RCBTB2: variants seen among roughly 807,000 people sequenced by gnomAD.
RCBTB2 encodes the protein RCC1 and BTB domain containing protein 2.
Under a neutral mutation model 65.4 loss-of-function variants are expected in RCBTB2, and 55 were observed. The observed-to-expected ratio is 0.84, with a 90% CI of 0.68 to 1.05. RCBTB2 has a LOEUF of 1.05. Ranked by LOEUF, RCBTB2 falls within the 50% of genes least tolerant of loss-of-function variation. RCBTB2 has a pLI of 0.00. For missense variants in RCBTB2, 599 were observed against 680.1 expected (o/e 0.88, Z 1.33); for synonymous variants, 220 against 255.2 (o/e 0.86, Z 1.31).
intron 1 of RCBTB2, among the ~76,000 whole-genome samples, chr13:48,525,161 AT>A (rs1208848569): frequency 2.0e-5 from 3 of 151,790 alleles, no homozygotes; most frequent in African/African-American, 7.2e-5. Context: ...GCAGTTAAAG[AT>A]TTCATACATA....
intron 4 of RCBTB2, among the ~76,000 whole-genome samples, chr13:48,519,333 A>G (rs1001494055): frequency 3.9e-5 from 6 of 152,152 alleles, no homozygotes; most frequent in African/African-American, 9.7e-5. Flanking sequence ...ACTGACGGCT[A>G]TTTCATTTTT....
chr13:48,511,649 A>G (rs977954527), intron 9 of RCBTB2, 121 bp downstream of exon 9: 3 of 805,406 alleles, frequency 3.7e-6, no homozygotes, highest in African/African-American at 3.5e-5. Flanking sequence ...CCTTTACTTT[A>G]ATGAAGACAT....
At chr13:48,492,971 A>G (rs1055725727) in intron 14 of RCBTB2, among the ~76,000 whole-genome samples, 2 of 152,046 alleles carry the variant, frequency 1.3e-5, no homozygotes, top group African/African-American at 4.8e-5. Flanking sequence ...CAAATTTCTG[A>G]TATTTCCCCC....
At chr13:48,516,908 C>T (rs978906499) in intron 4 of RCBTB2, among the ~76,000 whole-genome samples, 4 of 152,212 alleles carry the variant, frequency 2.6e-5, no homozygotes, top group Admixed American at 6.5e-5. Flanking sequence ...TATCAAATGG[C>T]ATGTCTGCTA....
At chr13:48,527,352 G>C (rs9595916) in intron 1 of RCBTB2, among the ~76,000 whole-genome samples, 10,225 of 119,020 alleles carry the variant, frequency 0.086, 1,564 homozygotes, top group African/African-American at 0.39. Flanking sequence ...ATATATATAT[G>C]ATATATATTT....
chr13:48,499,616 A>G lies in RCBTB2; in HGVS notation c.1384+5T>C, dbSNP rs760312636. ...GCCAAGTTTTTGGAAGTCTTTGGCAATTACCTACTGCCTCCTCAGGAGAAA... is the reference window on the plus strand; with the variant it reads ...GCCAAGTTTTTGGAAGTCTTTGGCAGTTACCTACTGCCTCCTCAGGAGAAA... On this transcript the variant is annotated splice_donor_5th_base_variant and intron_variant, in intron 13 of 14. Transcript: ENST00000344532. 6.2e-7 allele frequency: 1 copy of G among 1,613,314 alleles called. No individual in the cohort carries two copies. The highest frequency in any genetic ancestry group is 8.5e-7 in the Non-Finnish European group (1 of 1,179,744).
Position 48,522,316 on chromosome 13 carries a change from A to G in RCBTB2, c.-32T>C. 1 of 1,525,870 alleles carries G rather than the reference A, an allele frequency of 6.6e-7. No individual in the cohort carries two copies. Among genetic ancestry groups the G allele is most frequent in the Non-Finnish European group, 8.8e-7 (1 of 1,138,174 alleles). The allele number at this position is 1,525,870 out of a possible 1,614,324, so 94.5% of individuals were successfully genotyped here. On this transcript the variant is annotated 5_prime_UTR_variant, in exon 3 of 15. Coordinates refer to ENST00000344532, the MANE Select transcript of RCBTB2 (RefSeq NM_001268.4). ...AAAAATAAATTTTAGACCTTTGTCA[A>G]CTTTTCTCTGGGATTGGAAAGTTCC...
intron 4 of RCBTB2, among the ~76,000 whole-genome samples, chr13:48,518,685 T>C (rs1464445550): frequency 1.3e-5 from 2 of 151,676 alleles, no homozygotes; most frequent in Non-Finnish European, 2.9e-5. Flanking sequence ...GTTACATTAA[T>C]TGAGGAATCC....
chr13:48,526,780 A>G (rs1951761215), intron 1 of RCBTB2, among the ~76,000 whole-genome samples: 1 of 151,628 alleles, frequency 6.6e-6, no homozygotes, highest in East Asian at 2.0e-4. Context: ...GCCAGGCGTA[A>G]GAGTGTGTAC....
chr13:48,510,857 A>G, intron 9 of RCBTB2, 86 bp from the exon 10 acceptor site: 26 of 1,408,782 alleles, frequency 1.8e-5, no homozygotes, highest in Non-Finnish European at 2.5e-5. Flanking sequence ...TCAAAAATGA[A>G]AAAAAAAGGA....
chr13:48,522,422 A>G lies in RCBTB2; in HGVS notation c.-119-19T>C. The G allele has an allele frequency of 2.0e-6, 2 of 1,009,376 alleles. No homozygotes were observed. Among genetic ancestry groups the G allele is most frequent in the Non-Finnish European group, 2.9e-6 (2 of 679,702 alleles). 62.5% of individuals were successfully genotyped at this position (1,009,376 alleles called of 1,614,324 possible). On this transcript the variant is annotated intron_variant, in intron 2 of 14. Coordinates refer to ENST00000344532, the MANE Select transcript of RCBTB2 (RefSeq NM_001268.4). ...TGCTAAGCTGGAAAAAAAAAAGGAG[A>G]AATGAATGAAAATGATGAAAAAAAT...
intron 4 of RCBTB2, 131 bp from the exon 5 acceptor site, chr13:48,515,872 C>T (rs375367937): frequency 3.3e-6 from 3 of 908,022 alleles, no homozygotes; most frequent in Non-Finnish European, 4.9e-6. Flanking sequence ...AGAGGCCTCT[C>T]GCAGCTGCAG....
rs778141986 is a variant in RCBTB2 at position 48,501,776 on chromosome 13, A to G, written c.1210T>C (p.Tyr404His). Residue 404 changes from tyrosine to histidine, a missense_variant, in exon 12 of 15, where the codon TAC (tyrosine) becomes CAC (histidine). By Grantham distance (83) the Tyr-to-His change is moderately conservative. Transcript: ENST00000344532. ...ADLKFLVDGK[Y>H]IYAHKVLLKI... Reference sequence around the variant, plus strand: ...AGAAGGACTTTATGTGCATAAATGTACTTTCCATCAACTAGAAACTTCAGG... The same window carrying G: ...AGAAGGACTTTATGTGCATAAATGTGCTTTCCATCAACTAGAAACTTCAGG... The G allele has an allele frequency of 2.5e-6, 4 of 1,612,826 alleles. No individual in the cohort carries two copies. Among genetic ancestry groups the G allele is most frequent in the Non-Finnish European group, 3.4e-6 (4 of 1,178,916 alleles).
At chr13:48,524,224 C>T (rs1186090138) in intron 2 of RCBTB2, among the ~76,000 whole-genome samples, 3 of 152,008 alleles carry the variant, frequency 2.0e-5, no homozygotes, top group Middle Eastern at 3.2e-3. Flanking sequence ...ACCCTGTTAT[C>T]CATGTGATTT....
chr13:48,530,167 G>A (rs1029835544), intron 1 of RCBTB2, among the ~76,000 whole-genome samples: 2 of 152,138 alleles, frequency 1.3e-5, no homozygotes, highest in African/African-American at 4.8e-5. Flanking sequence ...CCCCCAAAGC[G>A]CTGGGATTAC....
At chr13:48,491,543 TA>T (rs1235950604) in intron 14 of RCBTB2, 1 of 152,210 alleles carries the variant, frequency 6.6e-6, no homozygotes, top group Non-Finnish European at 1.5e-5. Context: ...TGCTGTTGCT[TA>T]AATTTTTAGA....
At chr13:48,492,525 T>C (rs1949738431) in intron 14 of RCBTB2, 1 of 152,290 alleles carries the variant, frequency 6.6e-6, no homozygotes, top group Admixed American at 6.5e-5. Context: ...TCAGTTCCTC[T>C]ACTTCCACGC....
chr13:48,502,649 T>C, intron 11 of RCBTB2, 75 bp downstream of exon 11: 1 of 1,409,280 alleles, frequency 7.1e-7, no homozygotes, highest in Admixed American at 2.3e-5. Context: ...AACAAAATCC[T>C]CATTATCAAA....
chr13:48,526,051 T>C (rs1951712979), intron 1 of RCBTB2, among the ~76,000 whole-genome samples: 1 of 152,104 alleles, frequency 6.6e-6, no homozygotes, highest in Admixed American at 6.6e-5. Flanking sequence ...GACAAGATGG[T>C]TTTCAAGATT....
Sources: gnomAD v4.1 joint callset for allele counts (sites outside exome capture counted in the v4.1 genomes callset) on GRCh38, gnomAD v4.1.1 for gene constraint, MANE v1.5 for transcripts, NCBI Gene and HGNC (gene_info 2026-07-23, HGNC 2026-07-21) for gene names.